The following PTER variants were observed in gnomAD, a reference collection of about 807,000 sequenced individuals.
PTER encodes N-acetyltaurine hydrolase.
A neutral mutation model predicts 29.6 loss-of-function variants in PTER; 38 were observed. The observed-to-expected ratio is 1.28, with a 90% CI of 0.99 to 1.68. The LOEUF (loss-of-function observed/expected upper bound fraction) is 1.68, where lower values mean the gene tolerates loss of function less well. Among genes scored for constraint, PTER ranks in the 40% most tolerant of loss-of-function variants. The pLI, the probability that PTER is intolerant of heterozygous loss-of-function variation, is 0.00. For missense variants in PTER, 482 were observed against 427.8 expected, an observed-to-expected ratio of 1.13 and a Z score of -1.12; for synonymous variants, 172 against 154.5, an observed-to-expected ratio of 1.11 and a Z score of -0.84.
intron 1 of PTER, among the ~76,000 whole-genome samples, chr10:16,481,109 A>C (rs1445586011): frequency 6.6e-6 from 1 of 152,184 alleles, no homozygotes; most frequent in Non-Finnish European, 1.5e-5. Context: ...CTCAGTCCTC[A>C]GATTGTTCAA....
intron 1 of PTER, among the ~76,000 whole-genome samples, chr10:16,440,911 C>T (rs772645196): frequency 2.6e-5 from 4 of 152,266 alleles, no homozygotes; most frequent in Admixed American, 6.5e-5. Flanking sequence ...TGCATGTATG[C>T]GGGGATTTCT....
chr10:16,438,469 G>GTTT (rs1554784924), intron 1 of PTER, among the ~76,000 whole-genome samples: 1 of 95,054 alleles, frequency 1.1e-5, no homozygotes, highest in Non-Finnish European at 2.2e-5. Flanking sequence ...TCTGTTTTTT[G>GTTT]TTTTTTTTTT....
intron 3 of PTER, among the ~76,000 whole-genome samples, chr10:16,496,053 G>A (rs181266184): frequency 5.6e-4 from 86 of 152,224 alleles, no homozygotes; most frequent in African/African-American, 1.6e-3. Flanking sequence ...GCTGTGCTCC[G>A]TAATCTGGCT....
chr10:16,488,603 GGAGAGAGA>G (rs35122897), intron 3 of PTER, among the ~76,000 whole-genome samples: 9 of 133,964 alleles, frequency 6.7e-5, no homozygotes, highest in Non-Finnish European at 1.2e-4. Context: ...ATATATATAT[GGAGAGAGA>G]GAGAGAGAGA....
intron 1 of PTER, among the ~76,000 whole-genome samples, chr10:16,438,168 G>T (rs898313314): frequency 8.5e-6 from 1 of 117,822 alleles, no homozygotes. Context: ...ACCACACACA[G>T]CTAATTTTTG....
At chr10:16,441,932 G>A (rs1479689290) in intron 1 of PTER, among the ~76,000 whole-genome samples, 1 of 151,588 alleles carries the variant, frequency 6.6e-6, no homozygotes, top group African/African-American at 2.4e-5. Context: ...GGTGGGATGT[G>A]CTCACTTGTG....
intron 3 of PTER, among the ~76,000 whole-genome samples, chr10:16,504,796 T>A (rs1836494558): frequency 6.6e-6 from 1 of 152,218 alleles, no homozygotes; most frequent in African/African-American, 2.4e-5. Context: ...CCCAAGTACT[T>A]TAGAGGGGAA....
At chr10:16,494,123 C>T (rs1836004422) in intron 3 of PTER, among the ~76,000 whole-genome samples, 1 of 152,180 alleles carries the variant, frequency 6.6e-6, no homozygotes, top group South Asian at 2.1e-4. Context: ...AACCGTGTAT[C>T]GCCTTACATG....
At chr10:16,506,612 C>T (rs867438517) in intron 4 of PTER, among the ~76,000 whole-genome samples, 4 of 152,026 alleles carry the variant, frequency 2.6e-5, no homozygotes, top group Non-Finnish European at 5.9e-5. Context: ...AATAGAAAGT[C>T]GGTTGAAAGG....
In PTER at chr10:16,511,703, C is replaced by G. The variant is rs115414668; in HGVS notation, c.*447C>G. 5.9e-3 allele frequency: 977 copies of G among 164,410 alleles called. 9 individuals carry two copies. Among genetic ancestry groups the G allele is most frequent in the African/African-American group, 0.022 (905 of 41,748 alleles). 10.2% of individuals were successfully genotyped at this position (164,410 alleles called of 1,614,324 possible). A position where few individuals can be genotyped will look rare whatever the true frequency, so the allele number is the denominator to read the frequency against. ...TTAATGCTTAATGAATAATATGGCA[C>G]TGTAAAATAGCTTCTGCAACAAGGG... On this transcript the variant is annotated 3_prime_UTR_variant, in exon 5 of 5. Coordinates refer to ENST00000535784, the MANE Select transcript of PTER (RefSeq NM_001261836.2).
intron 4 of PTER, 122 bp from the exon 5 acceptor site, chr10:16,510,924 G>T: frequency 1.3e-6 from 1 of 766,916 alleles, no homozygotes; most frequent in Non-Finnish European, 2.2e-6. Flanking sequence ...CAGTACACAC[G>T]CCACAGTAGA....
chr10:16,487,709 C>G (rs1292725948), intron 3 of PTER, among the ~76,000 whole-genome samples: 1 of 152,154 alleles, frequency 6.6e-6, no homozygotes, highest in Non-Finnish European at 1.5e-5. Context: ...CTAACTGTTG[C>G]TAAGGCTACT....
intron 1 of PTER, among the ~76,000 whole-genome samples, chr10:16,472,679 T>A (rs1406774177): frequency 6.6e-6 from 1 of 152,192 alleles, no homozygotes; most frequent in Non-Finnish European, 1.5e-5. Flanking sequence ...TCCCCCACCA[T>A]GTTTTGGGGT....
At chr10:16,441,872 C>G (rs1297956011) in intron 1 of PTER, among the ~76,000 whole-genome samples, 1 of 151,884 alleles carries the variant, frequency 6.6e-6, no homozygotes, top group Non-Finnish European at 1.5e-5. Flanking sequence ...CCACTGAATT[C>G]ACTTACATAA....
intron 1 of PTER, among the ~76,000 whole-genome samples, chr10:16,455,554 G>C (rs922927781): frequency 2.0e-5 from 3 of 152,096 alleles, no homozygotes; most frequent in South Asian, 4.1e-4. Flanking sequence ...AGTGAAGTGA[G>C]ATGGCATATT....
chr10:16,471,881 T>TCACC (rs1209709075), intron 1 of PTER, among the ~76,000 whole-genome samples: 1 of 152,218 alleles, frequency 6.6e-6, no homozygotes, highest in East Asian at 1.9e-4. Flanking sequence ...AGACAGATTC[T>TCACC]CACCAGCAGA....
chr10:16,478,306 C>T (rs906995967), intron 1 of PTER, among the ~76,000 whole-genome samples: 6 of 151,046 alleles, frequency 4.0e-5, no homozygotes, highest in South Asian at 2.1e-4. Flanking sequence ...TGTTTTCTTC[C>T]TCCCTCTCCC....
At position 16,511,043 on chromosome 10, in the gene PTER, C is replaced by T; in HGVS notation, c.840-3C>T. On this transcript the variant is annotated splice_polypyrimidine_tract_variant and splice_region_variant and intron_variant, in intron 4 of 4. Transcript: ENST00000535784. ...ACATCTAATGAGTTAACATTTTTCACAGGGTGCGTCTCCTGGTGGAAGAGG... is the reference window on the plus strand; with the variant it reads ...ACATCTAATGAGTTAACATTTTTCATAGGGTGCGTCTCCTGGTGGAAGAGG... 1.9e-6 allele frequency: 3 copies of T among 1,609,888 alleles called. No homozygotes were observed. Among genetic ancestry groups the T allele is most frequent in the South Asian group, 1.1e-5 (1 of 90,414 alleles).
At chr10:16,463,540 C>T (rs557625779) in intron 1 of PTER, among the ~76,000 whole-genome samples, 3 of 152,254 alleles carry the variant, frequency 2.0e-5, no homozygotes, top group Admixed American at 1.3e-4. Flanking sequence ...CTCAGCCTCC[C>T]GATTAGCCGG....
Sources: gnomAD v4.1 joint callset for allele counts (sites outside exome capture counted in the v4.1 genomes callset) on GRCh38, gnomAD v4.1.1 for gene constraint, MANE v1.5 for transcripts, NCBI Gene and HGNC (gene_info 2026-07-23, HGNC 2026-07-21) for gene names.